Variants in WDR70 observed in about 807,000 individuals in gnomAD.
WDR70 encodes the protein WD repeat domain 70.
A neutral mutation model predicts 88.6 loss-of-function variants in WDR70; 53 were observed. The ratio of observed to expected loss-of-function variants is 0.60; its 90% CI spans 0.48 to 0.75. The LOEUF (loss-of-function observed/expected upper bound fraction) is 0.75, where lower values mean the gene tolerates loss of function less well. Among genes scored for constraint, WDR70 ranks in the 30% least tolerant of loss-of-function variants. The probability of loss-of-function intolerance (pLI) is 0.00; values close to 1 mark genes in which losing one functional copy is unlikely to be tolerated. For missense variants in WDR70, 610 were observed against 823.2 expected (o/e 0.74, Z 3.17); for synonymous variants, 280 against 270.0 (o/e 1.04, Z -0.36).
intron 10 of WDR70, among the ~76,000 whole-genome samples, chr5:37,610,076 G>T (rs975745425): frequency 6.6e-6 from 1 of 152,096 alleles, no homozygotes; most frequent in Non-Finnish European, 1.5e-5. Context: ...AGATTACAAG[G>T]TCAGGAGTTC....
rs1748861017 is a variant in WDR70 at position 37,753,187 on chromosome 5, C to G, written c.*614C>G. ...ATCTTAAGAGAGTTATTTAACTTTT[C>G]TTTTCTAGCCTCAGATGATGAAATA... On this transcript the variant is annotated 3_prime_UTR_variant, in exon 18 of 18. Coordinates refer to ENST00000265107, the MANE Select transcript of WDR70 (RefSeq NM_018034.4). 6.6e-6 allele frequency: 1 copy of G among 152,166 alleles called. No individual in the cohort carries two copies. The highest frequency in any genetic ancestry group is 1.5e-5 in the Non-Finnish European group (1 of 68,064). The allele number at this position is 152,166 out of a possible 1,614,324, so 9.4% of individuals were successfully genotyped here.
chr5:37,547,775 C>A (rs925077029), intron 9 of WDR70, among the ~76,000 whole-genome samples: 1 of 152,028 alleles, frequency 6.6e-6, no homozygotes, highest in East Asian at 1.9e-4. Context: ...ATTAATCATC[C>A]CTACCTCCTC....
intron 10 of WDR70, 131 bp from the exon 11 acceptor site, chr5:37,697,524 C>G (rs542025859): frequency 1.6e-6 from 1 of 641,020 alleles, no homozygotes; most frequent in East Asian, 2.7e-5. Context: ...AAATTATAAT[C>G]ATGTGAAATT....
intron 5 of WDR70, among the ~76,000 whole-genome samples, chr5:37,426,184 G>A (rs1227568624): frequency 6.6e-6 from 1 of 152,136 alleles, no homozygotes; most frequent in Non-Finnish European, 1.5e-5. Flanking sequence ...GGTAATAAGT[G>A]TCATGGAAAC....
At chr5:37,591,451 C>G (rs879756393) in intron 9 of WDR70, among the ~76,000 whole-genome samples, 8 of 151,136 alleles carry the variant, frequency 5.3e-5, no homozygotes, top group African/African-American at 2.0e-4. Flanking sequence ...ATAACTTAGA[C>G]GAAATGGAAA....
chr5:37,531,594 T>C (rs886294143), intron 9 of WDR70, among the ~76,000 whole-genome samples: 1 of 143,516 alleles, frequency 7.0e-6, no homozygotes, highest in Non-Finnish European at 1.5e-5. Context: ...TTTCTTTTTT[T>C]TTTTTTTTTT....
At chr5:37,531,664 GC>G (rs1208520193) in intron 9 of WDR70, among the ~76,000 whole-genome samples, 3 of 146,000 alleles carry the variant, frequency 2.1e-5, no homozygotes, top group African/African-American at 7.6e-5. Context: ...CCGTGGAATG[GC>G]TTTTCAGAAG....
intron 10 of WDR70, among the ~76,000 whole-genome samples, chr5:37,612,405 C>T (rs1744214314): frequency 6.6e-6 from 1 of 152,070 alleles, no homozygotes; most frequent in Admixed American, 6.5e-5. Context: ...TCTGTGAGTC[C>T]TGACTTTCCT....
chr5:37,739,383 T>G (rs533766399), intron 17 of WDR70, among the ~76,000 whole-genome samples: 9 of 152,332 alleles, frequency 5.9e-5, no homozygotes, highest in African/African-American at 1.9e-4. Flanking sequence ...GCTTTTGTTT[T>G]GGGCAAGGGA....
chr5:37,386,189 ATGCT>A (rs1290396765), intron 3 of WDR70, among the ~76,000 whole-genome samples: 1 of 152,140 alleles, frequency 6.6e-6, no homozygotes, highest in Non-Finnish European at 1.5e-5. Flanking sequence ...GGACAAAGAC[ATGCT>A]ATCTGAGGCA....
intron 5 of WDR70, among the ~76,000 whole-genome samples, chr5:37,432,533 C>T (rs1196466791): frequency 1.3e-5 from 2 of 151,750 alleles, no homozygotes; most frequent in African/African-American, 4.8e-5. Flanking sequence ...GGACTACAGG[C>T]GTGTGCCACC....
At chr5:37,687,813 C>G in intron 10 of WDR70, 1 of 478,612 alleles carries the variant, frequency 2.1e-6, no homozygotes, top group Non-Finnish European at 3.8e-6. Flanking sequence ...ATATGTCTTT[C>G]TACCTTAGAA....
chr5:37,490,349 C>G (rs1270905775), intron 8 of WDR70, among the ~76,000 whole-genome samples: 1 of 151,966 alleles, frequency 6.6e-6, no homozygotes, highest in Non-Finnish European at 1.5e-5. Context: ...TGGAAATGAA[C>G]AGCTCTGCTA....
intron 14 of WDR70, 192 bp from the exon 15 acceptor site, chr5:37,722,659 TGACA>T: frequency 1.7e-6 from 1 of 581,312 alleles, no homozygotes; most frequent in Non-Finnish European, 3.1e-6. Context: ...AACCACTGAC[TGACA>T]GACTTGCTTT....
At chr5:37,627,579 CTT>C (rs1453931596) in intron 10 of WDR70, among the ~76,000 whole-genome samples, 1 of 152,030 alleles carries the variant, frequency 6.6e-6, no homozygotes, top group Admixed American at 6.6e-5. Context: ...AAACTTGCCT[CTT>C]AATACTGCTT....
intron 13 of WDR70, among the ~76,000 whole-genome samples, chr5:37,716,767 TCTC>T (rs1386309622): frequency 1.3e-5 from 2 of 152,088 alleles, no homozygotes. Flanking sequence ...TTGGTTTCCT[TCTC>T]CTCCTCCCCT....
intron 3 of WDR70, among the ~76,000 whole-genome samples, chr5:37,388,401 C>T (rs1748695921): frequency 6.7e-6 from 1 of 148,784 alleles, no homozygotes; most frequent in Non-Finnish European, 1.5e-5. Flanking sequence ...CAGGCGTGAG[C>T]CACCACGCCC....
intron 5 of WDR70, among the ~76,000 whole-genome samples, chr5:37,415,437 G>A (rs865836797): frequency 0.017 from 1,540 of 92,310 alleles, 98 homozygotes; most frequent in African/African-American, 0.044. Flanking sequence ...CCTCCCGGAC[G>A]GGGCGGCTGG....
At chr5:37,379,753 T>TG (rs1554135374) in intron 2 of WDR70, among the ~76,000 whole-genome samples, 199 bp downstream of exon 2, 16 of 152,196 alleles carry the variant, frequency 1.1e-4, no homozygotes, top group African/African-American at 3.9e-4. Flanking sequence ...GTTATGAGAG[T>TG]CTGGAGAGAG....
Sources: allele counts gnomAD v4.1 joint callset (sites outside exome capture counted in the v4.1 genomes callset), GRCh38; gene constraint gnomAD v4.1.1; transcripts MANE v1.5; gene names NCBI Gene and HGNC (gene_info 2026-07-23, HGNC 2026-07-21).